The following GLT1D1 variants were observed in gnomAD, a reference collection of about 807,000 sequenced individuals.
GLT1D1 encodes the protein glycosyltransferase 1 domain-containing protein 1.
In GLT1D1, 21 loss-of-function variants were observed where a neutral mutation model predicts 28.7. That is an observed-to-expected ratio of 0.73 (90% CI 0.52 to 1.05). The LOEUF is 1.05. GLT1D1 is among the 50% of genes least tolerant of loss of function. The pLI, the probability that GLT1D1 is intolerant of heterozygous loss-of-function variation, is 0.00. For synonymous variants in GLT1D1, 147 were observed against 124.8 expected (o/e 1.18, Z -1.19); for missense variants, 343 against 330.6 (o/e 1.04, Z -0.29).
intron 1 of GLT1D1, among the ~76,000 whole-genome samples, chr12:128,859,034 TTTGA>T (rs1302828040): frequency 2.6e-5 from 4 of 152,188 alleles, no homozygotes; most frequent in African/African-American, 9.7e-5. Flanking sequence ...CTTAAATGTA[TTTGA>T]TTGATGTCTC....
intron 1 of GLT1D1, among the ~76,000 whole-genome samples, chr12:128,854,239 G>C (rs1956149619): frequency 6.6e-6 from 1 of 152,144 alleles, no homozygotes; most frequent in Non-Finnish European, 1.5e-5. Flanking sequence ...TCGCTGGAAC[G>C]CAAGCCCGGC....
rs995855606 is a variant in GLT1D1, at chr12:128,882,722, C to T, written c.218-5917C>T. Among the ~76,000 whole-genome samples, 6 of 152,242 alleles carry T rather than the reference C, an allele frequency of 3.9e-5. No individual in the cohort carries two copies. The South Asian group carries it at 8.3e-4, about 21-fold the overall frequency. On this transcript the variant is annotated intron_variant, in intron 2 of 7. Coordinates refer to ENST00000281703, the MANE Select transcript of GLT1D1 (RefSeq NM_144669.3). ...ATTTTTGGCATGCATACCGATCCAT[C>T]GTTTCAAGTGTGTGTGAACAGAACT...
chr12:128,881,462 A>G (rs1460050752), intron 2 of GLT1D1, among the ~76,000 whole-genome samples: 1 of 136,844 alleles, frequency 7.3e-6, no homozygotes, highest in Non-Finnish European at 1.5e-5. Context: ...TGAACCCAGG[A>G]GGTGAACGTT....
In GLT1D1 at chr12:128,859,649, C is replaced by A. The variant is rs548886445; in HGVS notation, c.68+6000C>A. On this transcript the variant is annotated intron_variant, in intron 1 of 7. Transcript: ENST00000281703. Reference sequence around the variant, plus strand: ...GTGGCTGGAGAGGGAGACAGGGCCACGCGACACCTTCAGTTTTGTGCCAAA... The same window carrying A: ...GTGGCTGGAGAGGGAGACAGGGCCAAGCGACACCTTCAGTTTTGTGCCAAA... Among the ~76,000 whole-genome samples the A allele has an allele frequency of 3.9e-5, 6 of 152,226 alleles. No individual in the cohort carries two copies. In the South Asian group the frequency reaches 1.0e-3, roughly 26 times the overall value.
intron 4 of GLT1D1, chr12:128,930,491 A>C (rs1158267453): frequency 6.6e-6 from 1 of 152,274 alleles, no homozygotes; most frequent in Non-Finnish European, 1.5e-5. Context: ...TGGCATGCAG[A>C]TATGAAAAAC....
At chr12:128,889,436 G>T (rs754788079) in intron 3 of GLT1D1, among the ~76,000 whole-genome samples, 39 of 152,140 alleles carry the variant, frequency 2.6e-4, no homozygotes, top group Non-Finnish European at 4.7e-4. Flanking sequence ...TCTTACAGGG[G>T]TCACTGTGAT....
chr12:128,862,285 C>T (rs552693463), intron 1 of GLT1D1, among the ~76,000 whole-genome samples: 13 of 147,800 alleles, frequency 8.8e-5, no homozygotes, highest in Admixed American at 2.1e-4. Flanking sequence ...GCCAAGATTG[C>T]GCCACTGCAG....
chr12:128,938,619 G>A (rs921185371), intron 4 of GLT1D1, among the ~76,000 whole-genome samples: 9 of 152,094 alleles, frequency 5.9e-5, no homozygotes, highest in Non-Finnish European at 8.8e-5. Context: ...TAAACTGTTG[G>A]GATATCATCA....
chr12:128,881,534 GAAAAAAAAAAAA>G lies in GLT1D1; in HGVS notation c.217+5489_217+5500del, dbSNP rs1161429342. Among the ~76,000 whole-genome samples, 98 of 23,854 alleles carry G rather than the reference GAAAAAAAAAAAA, an allele frequency of 4.1e-3. 1 individual carries two copies. The highest frequency in any genetic ancestry group is 6.2e-3 in the Non-Finnish European group (80 of 12,802). 15.6% of individuals were successfully genotyped at this position (23,854 alleles called of 152,430 possible). A position where few individuals can be genotyped will look rare whatever the true frequency, so the allele number is the denominator to read the frequency against. The stretch of plus-strand genomic sequence containing the variant: ...GGGCAACAGAGTGAGACTCTGTATC[GAAAAAAAAAAAA>G]AAAAAAAAAAAAAAAATATATATAT... On this transcript the variant is annotated intron_variant, in intron 2 of 7. Coordinates refer to ENST00000281703, the MANE Select transcript of GLT1D1 (RefSeq NM_144669.3).
intron 7 of GLT1D1, among the ~76,000 whole-genome samples, chr12:128,966,651 G>T (rs1023595314): frequency 2.0e-5 from 3 of 152,202 alleles, no homozygotes; most frequent in Non-Finnish European, 2.9e-5. Context: ...CACTAAATGT[G>T]TGTTGACAGG....
At chr12:128,981,864 G>A (rs1173704667) in intron 7 of GLT1D1, among the ~76,000 whole-genome samples, 1 of 152,144 alleles carries the variant, frequency 6.6e-6, no homozygotes, top group Non-Finnish European at 1.5e-5. Flanking sequence ...GGCTTGGGGA[G>A]GGTAAGAAAT....
chr12:128,974,021 T>C (rs934100206), intron 7 of GLT1D1, among the ~76,000 whole-genome samples: 39 of 151,398 alleles, frequency 2.6e-4, no homozygotes, highest in African/African-American at 8.0e-4. Flanking sequence ...ACAGTCTGGG[T>C]CTAGATGCCT....
intron 4 of GLT1D1, among the ~76,000 whole-genome samples, chr12:128,906,307 G>A (rs1466110514): frequency 1.3e-5 from 2 of 152,006 alleles, no homozygotes; most frequent in African/African-American, 4.8e-5. Context: ...AGTACTTCTA[G>A]TTCTAGTCCA....
rs982645955 is a variant in GLT1D1, at chr12:128,894,250, G to T, written c.324-4986G>T. Among the ~76,000 whole-genome samples, 8 of 152,256 alleles carry T rather than the reference G, an allele frequency of 5.3e-5. No homozygotes were observed. In the East Asian group the frequency reaches 1.5e-3, roughly 29 times the overall value. ...CTTTTCCCTTCAGTAGGGGACCTGT[G>T]ATGGAATGTGCCTCGACTGGTGACA... On this transcript the variant is annotated intron_variant, in intron 3 of 7. Coordinates refer to ENST00000281703, the MANE Select transcript of GLT1D1 (RefSeq NM_144669.3).
intron 4 of GLT1D1, among the ~76,000 whole-genome samples, chr12:128,922,942 A>G (rs999195756): frequency 2.1e-5 from 3 of 145,816 alleles, no homozygotes; most frequent in African/African-American, 7.6e-5. Context: ...AAAAAAAAAA[A>G]AAAAGAGTAT....
At chr12:128,868,356 T>G (rs1025504022) in intron 1 of GLT1D1, among the ~76,000 whole-genome samples, 1 of 152,118 alleles carries the variant, frequency 6.6e-6, no homozygotes, top group African/African-American at 2.4e-5. Flanking sequence ...AGGAGCACCC[T>G]TGGATCTGGA....
At chr12:128,908,752 A>G (rs1030183709) in intron 4 of GLT1D1, among the ~76,000 whole-genome samples, 9 of 151,922 alleles carry the variant, frequency 5.9e-5, no homozygotes, top group Non-Finnish European at 1.0e-4. Flanking sequence ...GATCGAGACC[A>G]TCTTGGCTAA....
chr12:128,928,292 C>T (rs1358622645), intron 4 of GLT1D1, among the ~76,000 whole-genome samples: 6 of 151,992 alleles, frequency 3.9e-5, no homozygotes, highest in Admixed American at 1.3e-4. Flanking sequence ...GGATGGGAGA[C>T]GTTCTGGTGG....
intron 7 of GLT1D1, among the ~76,000 whole-genome samples, chr12:128,967,120 G>C (rs1593201275): frequency 6.6e-6 from 1 of 152,204 alleles, no homozygotes; most frequent in Non-Finnish European, 1.5e-5. Flanking sequence ...TTTGCTTGGA[G>C]GTTCTGTTTG....
Sources: allele counts gnomAD v4.1 joint callset (sites outside exome capture counted in the v4.1 genomes callset), GRCh38; gene constraint gnomAD v4.1.1; transcripts MANE v1.5; gene names NCBI Gene and HGNC (gene_info 2026-07-23, HGNC 2026-07-21).